The following TRPM3 variants were observed in gnomAD, a reference collection of about 807,000 sequenced individuals.
TRPM3 encodes the protein long transient receptor potential channel 3.
Under a neutral mutation model 181.2 loss-of-function variants are expected in TRPM3, and 77 were observed. The ratio of observed to expected loss-of-function variants is 0.42; its 90% CI spans 0.35 to 0.51. The LOEUF is 0.51. TRPM3 is among the 20% of genes least tolerant of loss of function. The pLI is 0.01. For missense variants in TRPM3, 1,759 were observed against 2,196.7 expected (o/e 0.80, Z 3.98); for synonymous variants, 745 against 796.4 (o/e 0.94, Z 1.09).
chr9:71,252,308 C>T (rs901490285), intron 1 of TRPM3, among the ~76,000 whole-genome samples: 5 of 152,082 alleles, frequency 3.3e-5, no homozygotes, highest in East Asian at 3.9e-4. Flanking sequence ...GTGGATACAG[C>T]GTATCAGGGT....
At chr9:71,003,243 T>C (rs1037007458) in intron 1 of TRPM3, among the ~76,000 whole-genome samples, 2 of 150,156 alleles carry the variant, frequency 1.3e-5, no homozygotes, top group East Asian at 2.0e-4. Context: ...AATCACTGCA[T>C]AGCAGTTCAA....
chr9:70,938,681 G>A (rs370091037), intron 1 of TRPM3, among the ~76,000 whole-genome samples: 5 of 151,942 alleles, frequency 3.3e-5, no homozygotes, highest in East Asian at 3.9e-4. Context: ...TTTTGGGCGC[G>A]GTGGCTCACA....
intron 4 of TRPM3, among the ~76,000 whole-genome samples, chr9:70,845,852 C>A (rs1178115714): frequency 6.6e-6 from 1 of 152,140 alleles, no homozygotes; most frequent in African/African-American, 2.4e-5. Flanking sequence ...TGGCAGGAAG[C>A]AAACATTCTT....
chr9:71,042,938 T>C (rs767837235), intron 1 of TRPM3, among the ~76,000 whole-genome samples: 2 of 152,196 alleles, frequency 1.3e-5, no homozygotes, highest in African/African-American at 2.4e-5. Context: ...GAAAGCACTA[T>C]AGAGACTTTG....
At chr9:70,580,080 GGA>G (rs1455176214) in intron 22 of TRPM3, among the ~76,000 whole-genome samples, 1 of 152,066 alleles carries the variant, frequency 6.6e-6, no homozygotes, top group African/African-American at 2.4e-5. Flanking sequence ...ACCTGTTCAG[GGA>G]ATGTTTTGAC....
At chr9:70,821,366 G>A (rs773447383) in intron 6 of TRPM3, among the ~76,000 whole-genome samples, 2 of 152,072 alleles carry the variant, frequency 1.3e-5, no homozygotes, top group Non-Finnish European at 2.9e-5. Context: ...TATAGAGGCT[G>A]GATGATAGCT....
intron 1 of TRPM3, among the ~76,000 whole-genome samples, chr9:71,241,368 C>T (rs886381892): frequency 6.6e-5 from 10 of 152,022 alleles, no homozygotes; most frequent in Non-Finnish European, 1.5e-4. Flanking sequence ...GTTCAATTAA[C>T]CATCATTCTC....
At chr9:71,022,049 T>C (rs2097851341) in intron 1 of TRPM3, among the ~76,000 whole-genome samples, 2 of 152,126 alleles carry the variant, frequency 1.3e-5, no homozygotes, top group Admixed American at 6.5e-5. Context: ...AAATTAAAAA[T>C]CTATAGGATA....
At chr9:70,618,356 T>C (rs1054322404) in intron 17 of TRPM3, among the ~76,000 whole-genome samples, 12 of 152,252 alleles carry the variant, frequency 7.9e-5, no homozygotes, top group African/African-American at 2.9e-4. Context: ...CTTGTTTTTC[T>C]TCATTTAAGA....
In TRPM3 at chr9:70,839,768, T is replaced by C. The variant is rs534262106; in HGVS notation, c.801+3235A>G. 3.3e-5 allele frequency among the ~76,000 whole-genome samples: 5 copies of C among 152,274 alleles called. No homozygotes were observed. The South Asian group carries it at 1.0e-3, about 32-fold the overall frequency. The stretch of plus-strand genomic sequence containing the variant: ...CTTGACCAAAGATGCAGCTATTCTA[T>C]TTTTTCAAATGATGGCATTTTGATA... On this transcript the variant is annotated intron_variant, in intron 5 of 25. Transcript: ENST00000677713.
chr9:71,069,353 A>G (rs2062382810), intron 1 of TRPM3, among the ~76,000 whole-genome samples: 1 of 151,560 alleles, frequency 6.6e-6, no homozygotes. Context: ...AATTTTTTGC[A>G]TTTTTAGTAG....
chr9:70,701,890 TATC>T (rs1400026249), intron 8 of TRPM3, among the ~76,000 whole-genome samples: 1 of 150,112 alleles, frequency 6.7e-6, no homozygotes, highest in African/African-American at 2.5e-5. Flanking sequence ...TGTTCAGTAT[TATC>T]ATTCTTATTC....
chr9:71,412,677 G>A (rs968995347), intron 1 of TRPM3, among the ~76,000 whole-genome samples: 1 of 152,178 alleles, frequency 6.6e-6, no homozygotes, highest in Non-Finnish European at 1.5e-5. Context: ...AACCACTGGG[G>A]AAGACAGTGT....
chr9:70,772,322 AT>A (rs67215937), intron 7 of TRPM3, among the ~76,000 whole-genome samples: 53,679 of 148,298 alleles, frequency 0.36, 11,613 homozygotes, highest in East Asian at 0.5. Context: ...CACAGAGAGT[AT>A]TTTTTTTTTT....
chr9:71,219,931 T>C (rs751240528), intron 1 of TRPM3, among the ~76,000 whole-genome samples: 3 of 152,206 alleles, frequency 2.0e-5, no homozygotes, highest in Admixed American at 6.5e-5. Context: ...GGGGAGATTT[T>C]TATTGTAATT....
At chr9:70,978,518 T>G (rs769318163) in intron 1 of TRPM3, among the ~76,000 whole-genome samples, 15 of 152,212 alleles carry the variant, frequency 9.9e-5, no homozygotes, top group Non-Finnish European at 1.6e-4. Context: ...CCTAATTATT[T>G]AGTGCATCCA....
chr9:71,377,949 T>A (rs2092705333), intron 1 of TRPM3, among the ~76,000 whole-genome samples: 2 of 152,110 alleles, frequency 1.3e-5, no homozygotes, highest in South Asian at 4.1e-4. Context: ...ATTATATGAA[T>A]ATATCACGAT....
intron 1 of TRPM3, among the ~76,000 whole-genome samples, chr9:71,175,918 T>C (rs1265158584): frequency 6.6e-6 from 1 of 152,172 alleles, no homozygotes; most frequent in African/African-American, 2.4e-5. Flanking sequence ...ATAACGGAGC[T>C]GAAAATTTTC....
At chr9:71,301,864 G>T (rs1461527888) in intron 1 of TRPM3, among the ~76,000 whole-genome samples, 1 of 152,102 alleles carries the variant, frequency 6.6e-6, no homozygotes, top group African/African-American at 2.4e-5. Context: ...GCATATAGTA[G>T]ATGCTTCATA....
Sources: gnomAD v4.1 joint callset for allele counts (sites outside exome capture counted in the v4.1 genomes callset) on GRCh38, gnomAD v4.1.1 for gene constraint, MANE v1.5 for transcripts, NCBI Gene and HGNC (gene_info 2026-07-23, HGNC 2026-07-21) for gene names.